NLGN4X: variants seen among roughly 807,000 people sequenced by gnomAD.
The protein encoded by NLGN4X is neuroligin-4, X-linked.
Under a neutral mutation model 40.3 loss-of-function variants are expected in NLGN4X, and 3 were observed. The observed-to-expected ratio is 0.07, with a 90% CI of 0.03 to 0.19. The LOEUF is 0.19. NLGN4X is among the 10% of genes least tolerant of loss of function. The pLI, the probability that NLGN4X is intolerant of heterozygous loss-of-function variation, is 1.00. For synonymous variants in NLGN4X, 270 were observed against 306.8 expected (o/e 0.88, Z 1.25); for missense variants, 382 against 708.3 (o/e 0.54, Z 5.23).
At chrX:5,929,454 T>TCA (rs1293324121) in intron 3 of NLGN4X, among the ~76,000 whole-genome samples, 16 of 110,620 alleles carry the variant, frequency 1.4e-4, no homozygotes, top group Admixed American at 3.8e-4. Flanking sequence ...CAAGACTCTG[T>TCA]CACACACACA....
At chrX:6,069,674 A>G (rs763440177) in intron 2 of NLGN4X, among the ~76,000 whole-genome samples, 1 of 112,086 alleles carries the variant, frequency 8.9e-6, no homozygotes, top group Admixed American at 9.5e-5. Flanking sequence ...GTAAGTCTAA[A>G]CACTTTACTG....
intron 3 of NLGN4X, among the ~76,000 whole-genome samples, chrX:5,987,438 G>A: frequency 8.9e-6 from 1 of 112,983 alleles, no homozygotes; most frequent in East Asian, 2.8e-4. Flanking sequence ...TCACATGGGT[G>A]TTGGTTATAG....
In NLGN4X at chrX:6,009,538, G is replaced by A. The variant is rs1381552677; in HGVS notation, c.625+19742C>T. Among the ~76,000 whole-genome samples, 4 of 112,532 alleles carry A rather than the reference G, an allele frequency of 3.6e-5. No homozygotes were observed. In the East Asian group the frequency reaches 8.4e-4, roughly 24 times the overall value. ...AATGTCAACAATTGAGATTTTCAAT[G>A]TACTGTCCCAGGCTCCTAAGACTCA... On this transcript the variant is annotated intron_variant, in intron 3 of 5. Transcript: ENST00000381095.
At chrX:6,105,876 G>A (rs2039020471) in intron 2 of NLGN4X, among the ~76,000 whole-genome samples, 1 of 111,524 alleles carries the variant, frequency 9.0e-6, no homozygotes, top group Non-Finnish European at 1.9e-5. Flanking sequence ...CATTGCATGA[G>A]GTCCAGACTA....
intron 1 of NLGN4X, among the ~76,000 whole-genome samples, chrX:6,180,891 T>C (rs1424342017): frequency 6.3e-5 from 7 of 111,262 alleles, no homozygotes; most frequent in African/African-American, 2.0e-4. Context: ...AGCAGAGTTA[T>C]ATCCACAGAC....
At position 5,897,882 on chromosome X, in the gene NLGN4X, C is replaced by G. The variant is rs759307781; in HGVS notation, c.1602-4216G>C. 7.5e-5 allele frequency among the ~76,000 whole-genome samples: 8 copies of G among 106,859 alleles called. 1 individual carries two copies. Among genetic ancestry groups the G allele is most frequent in the African/African-American group, 2.7e-4 (8 of 29,725 alleles). 92.8% of individuals were successfully genotyped at this position (106,859 alleles called of 115,157 possible). ...AGCAAAGATCCAATTGTCCCTCCCT[C>G]CCTCCTTCTTTCCTTCCTCCTCTCC... On this transcript the variant is annotated intron_variant, in intron 5 of 5. Coordinates refer to ENST00000381095, the MANE Select transcript of NLGN4X (RefSeq NM_181332.3).
intron 3 of NLGN4X, among the ~76,000 whole-genome samples, chrX:5,987,746 T>G (rs903438556): frequency 3.6e-5 from 4 of 111,993 alleles, no homozygotes; most frequent in Admixed American, 9.4e-5. Context: ...AAAAACATGC[T>G]GCAGAATTTC....
At chrX:6,194,378 C>T (rs1167952597) in intron 1 of NLGN4X, among the ~76,000 whole-genome samples, 2 of 111,306 alleles carry the variant, frequency 1.8e-5, no homozygotes, top group Non-Finnish European at 1.9e-5. Context: ...GCGTCTCATG[C>T]GACACTCCTC....
intron 1 of NLGN4X, among the ~76,000 whole-genome samples, chrX:6,225,689 CTTTTT>C (rs749574818): frequency 3.3e-4 from 9 of 26,892 alleles, no homozygotes; most frequent in Admixed American, 7.0e-4. Flanking sequence ...TTCTTTTTTT[CTTTTT>C]TTTTTTTTTT....
chrX:6,210,524 A>G (rs907673396), intron 1 of NLGN4X, among the ~76,000 whole-genome samples: 1 of 111,653 alleles, frequency 9.0e-6, no homozygotes, highest in Admixed American at 9.6e-5. Context: ...ACTGAGTCCA[A>G]AGAGCTGTCA....
intron 3 of NLGN4X, among the ~76,000 whole-genome samples, chrX:5,932,498 CA>C (rs2033583525): frequency 9.0e-6 from 1 of 111,170 alleles, no homozygotes; most frequent in Admixed American, 9.6e-5. Context: ...TGGAACAGAT[CA>C]ATGAAGAAAT....
intron 2 of NLGN4X, among the ~76,000 whole-genome samples, chrX:6,110,819 G>A (rs2039132141): frequency 8.9e-6 from 1 of 111,806 alleles, no homozygotes; most frequent in African/African-American, 3.3e-5. Flanking sequence ...GACTTTGGAG[G>A]AACTAGAAAT....
chrX:6,135,421 C>G (rs1377782130), intron 2 of NLGN4X, among the ~76,000 whole-genome samples: 1 of 111,832 alleles, frequency 8.9e-6, no homozygotes. Flanking sequence ...CCAAGTTCAT[C>G]TCCTCTTCCA....
intron 3 of NLGN4X, among the ~76,000 whole-genome samples, chrX:5,973,010 T>C (rs2035069981): frequency 8.9e-6 from 1 of 112,465 alleles, no homozygotes; most frequent in African/African-American, 3.2e-5. Flanking sequence ...AATATATAGA[T>C]TGCTTTTAAT....
chrX:5,955,762 T>C (rs2034471025), intron 3 of NLGN4X, among the ~76,000 whole-genome samples: 1 of 105,699 alleles, frequency 9.5e-6, no homozygotes, highest in African/African-American at 3.5e-5. Context: ...TTAAAAATTT[T>C]AAAGTACTTC....
At chrX:6,174,910 T>C (rs1363855664) in intron 1 of NLGN4X, among the ~76,000 whole-genome samples, 3 of 110,490 alleles carry the variant, frequency 2.7e-5, no homozygotes, top group Non-Finnish European at 5.7e-5. Context: ...CTAGCAAACC[T>C]ACACATGTAC....
chrX:6,094,018 G>A (rs923047966), intron 2 of NLGN4X, among the ~76,000 whole-genome samples: 3 of 111,644 alleles, frequency 2.7e-5, no homozygotes, highest in African/African-American at 9.7e-5. Flanking sequence ...ACAGTTAACC[G>A]ATGATTTGAT....
At chrX:5,919,489 C>T (rs867253111) in intron 3 of NLGN4X, among the ~76,000 whole-genome samples, 9 of 111,645 alleles carry the variant, frequency 8.1e-5, no homozygotes, top group Non-Finnish European at 1.5e-4. Flanking sequence ...GTCCCCAAGC[C>T]CCAGGCCATG....
chrX:6,157,986 T>C (rs1033707400), intron 1 of NLGN4X, among the ~76,000 whole-genome samples: 1 of 112,346 alleles, frequency 8.9e-6, no homozygotes, highest in African/African-American at 3.2e-5. Context: ...TTTCTTCTTA[T>C]TCATCTTCTG....
Sources: allele counts gnomAD v4.1 joint callset (sites outside exome capture counted in the v4.1 genomes callset), GRCh38; gene constraint gnomAD v4.1.1; transcripts MANE v1.5; gene names NCBI Gene and HGNC (gene_info 2026-07-23, HGNC 2026-07-21).